Variants in MYO1H observed in about 807,000 individuals in gnomAD.
The protein encoded by MYO1H is myosin IH.
A neutral mutation model predicts 149.3 loss-of-function variants in MYO1H; 118 were observed. That is an observed-to-expected ratio of 0.79 (90% CI 0.68 to 0.92). The LOEUF (loss-of-function observed/expected upper bound fraction) is 0.92, where lower values mean the gene tolerates loss of function less well. MYO1H is among the 40% of genes least tolerant of loss of function. The pLI is 0.00. For missense variants in MYO1H, 1,212 were observed against 1,280.7 expected (o/e 0.95, Z 0.82); for synonymous variants, 447 against 465.2 (o/e 0.96, Z 0.50).
At chr12:109,323,123 C>G in the MYO1H span, among the ~76,000 whole-genome samples, 1 of 151,978 alleles carries the variant, frequency 6.6e-6, no homozygotes, top group East Asian at 1.9e-4. Flanking sequence ...AAAACAATAC[C>G]CATAATGAAA....
chr12:109,362,294 C>T (rs1384638910), intron 1 of MYO1H, among the ~76,000 whole-genome samples: 1 of 152,162 alleles, frequency 6.6e-6, no homozygotes, highest in Non-Finnish European at 1.5e-5. Flanking sequence ...TGTATTCAGC[C>T]TTCTAGTTTT....
At chr12:109,447,688 GGT>G in exon 32 of MYO1H, 1 of 177,144 alleles carries the variant, frequency 5.6e-6, no homozygotes, top group Non-Finnish European at 1.2e-5. Flanking sequence ...ACGTCCCCAA[GGT>G]GTGTGTGTCA....
chr12:109,359,571 G>C (rs951495991), intron 1 of MYO1H: 1 of 152,142 alleles, frequency 6.6e-6, no homozygotes, highest in Admixed American at 6.6e-5. Context: ...TTATAAATGG[G>C]CCATCTCTTG....
the MYO1H span, among the ~76,000 whole-genome samples, chr12:109,323,067 A>AC: frequency 2.0e-5 from 3 of 152,194 alleles, no homozygotes; most frequent in African/African-American, 7.2e-5. Flanking sequence ...AGATCACGCC[A>AC]CTGCACTCCA....
At chr12:109,422,343 G>A (rs142357904) in intron 16 of MYO1H, among the ~76,000 whole-genome samples, 72 of 152,218 alleles carry the variant, frequency 4.7e-4, no homozygotes, top group African/African-American at 1.6e-3. Context: ...CAAGGTAGAC[G>A]AGCAACTCCT....
intron 1 of MYO1H, among the ~76,000 whole-genome samples, chr12:109,375,434 G>A (rs1869068596): frequency 6.6e-6 from 1 of 151,876 alleles, no homozygotes; most frequent in Admixed American, 6.6e-5. Flanking sequence ...ATTACAGGTG[G>A]GAGCCACCAC....
chr12:109,404,564 AATC>A (rs1870296900), intron 7 of MYO1H, among the ~76,000 whole-genome samples: 1 of 152,240 alleles, frequency 6.6e-6, no homozygotes, highest in Non-Finnish European at 1.5e-5. Context: ...TTTTTAGTAT[AATC>A]ATGTTCCAAT....
chr12:109,433,381 G>C (rs1463658867), intron 20 of MYO1H, among the ~76,000 whole-genome samples: 1 of 152,210 alleles, frequency 6.6e-6, no homozygotes, highest in Non-Finnish European at 1.5e-5. Flanking sequence ...GACAATGTGA[G>C]ATCATCTGTA....
chr12:109,394,517 C>T (rs2137040445), intron 3 of MYO1H, among the ~76,000 whole-genome samples: 1 of 151,898 alleles, frequency 6.6e-6, no homozygotes, highest in Non-Finnish European at 1.5e-5. Flanking sequence ...ATATTTTCTG[C>T]TAAATAATGC....
chr12:109,378,223 T>TG (rs1869125550), intron 1 of MYO1H, among the ~76,000 whole-genome samples: 1 of 152,214 alleles, frequency 6.6e-6, no homozygotes. Flanking sequence ...GTGGAACTGC[T>TG]GGGTCATATG....
chr12:109,369,292 G>A (rs1479980421), intron 1 of MYO1H, among the ~76,000 whole-genome samples: 1 of 152,130 alleles, frequency 6.6e-6, no homozygotes, highest in Non-Finnish European at 1.5e-5. Context: ...TGGTGTATAT[G>A]TACCAAATTT....
At chr12:109,419,673 A>G (rs1871086441) in intron 15 of MYO1H, among the ~76,000 whole-genome samples, 1 of 152,016 alleles carries the variant, frequency 6.6e-6, no homozygotes, top group African/African-American at 2.4e-5. Context: ...TCAGCTCCCC[A>G]AGTAGCTGGG....
At chr12:109,447,257 G>A in exon 32 of MYO1H, 9 of 1,313,184 alleles carry the variant, frequency 6.9e-6, no homozygotes, top group Non-Finnish European at 9.7e-6. Context: ...GTGGGGATTG[G>A]ATCCAGTTAG....
In MYO1H at chr12:109,397,883, C is replaced by A. The variant is rs958352029; in HGVS notation, c.570+71C>A. The A allele has an allele frequency of 7.5e-6, 9 of 1,201,862 alleles. 1 individual carries two copies. The Admixed American group carries it at 2.4e-4, about 32-fold the overall frequency. 74.4% of individuals were successfully genotyped at this position (1,201,862 alleles called of 1,614,324 possible). A position where few individuals can be genotyped will look rare whatever the true frequency, so the allele number is the denominator to read the frequency against. ...GCCAGTGACGGAACCCAAGCCAAGG[C>A]CCCTTAAGGGGAGAACGGCATTTTT... On this transcript the variant is annotated intron_variant, in intron 5 of 31. Coordinates refer to ENST00000310903, the Ensembl canonical transcript of MYO1H.
the MYO1H span, among the ~76,000 whole-genome samples, chr12:109,312,785 GTTTTGTT>G: frequency 2.0e-5 from 2 of 101,230 alleles, no homozygotes; most frequent in African/African-American, 1.0e-4. Flanking sequence ...TTTTTGTTTT[GTTTTGTT>G]TTTTTTTTTT....
At chr12:109,425,558 A>G (rs546151906) in intron 17 of MYO1H, among the ~76,000 whole-genome samples, 4 of 152,328 alleles carry the variant, frequency 2.6e-5, no homozygotes, top group African/African-American at 9.6e-5. Flanking sequence ...AGAGTATAAG[A>G]AAATACCATC....
chr12:109,409,246 C>CTTTTTTTTTTTTTTTTT (rs66507410), intron 10 of MYO1H, among the ~76,000 whole-genome samples: 66 of 47,864 alleles, frequency 1.4e-3, no homozygotes, highest in South Asian at 4.7e-3. Context: ...TCTTCTTCTT[C>CTTTTTTTTTTTTTTTTT]TTTTTTTTTT....
At chr12:109,364,135 C>T (rs1868813776) in intron 1 of MYO1H, among the ~76,000 whole-genome samples, 1 of 143,134 alleles carries the variant, frequency 7.0e-6, no homozygotes, top group South Asian at 2.2e-4. Context: ...CATGCCACTG[C>T]ACTCCAGACT....
chr12:109,410,039 C>CAGG, exon 12 of MYO1H: 1 of 1,537,710 alleles, frequency 6.5e-7, no homozygotes, highest in South Asian at 1.2e-5. Flanking sequence ...AAAAGCAGAA[C>CAGG]AGGCAGAATA....
Sources: gnomAD v4.1 joint callset for allele counts (sites outside exome capture counted in the v4.1 genomes callset) on GRCh38, gnomAD v4.1.1 for gene constraint, MANE v1.5 for transcripts, NCBI Gene and HGNC (gene_info 2026-07-23, HGNC 2026-07-21) for gene names.